The following RIT2 variants were observed in gnomAD, a reference collection of about 807,000 sequenced individuals.
The protein encoded by RIT2 is GTP-binding protein Rit2.
A neutral mutation model predicts 23.7 loss-of-function variants in RIT2; 24 were observed. The ratio of observed to expected loss-of-function variants is 1.01; its 90% CI spans 0.73 to 1.43. The LOEUF (loss-of-function observed/expected upper bound fraction) is 1.43. Among genes scored for constraint, RIT2 ranks in the 40% most tolerant of loss-of-function variants. RIT2 has a pLI of 0.00. For synonymous variants in RIT2, 107 were observed against 91.1 expected (o/e 1.17, Z -0.99); for missense variants, 236 against 266.9 (o/e 0.88, Z 0.81).
In RIT2 at chr18:43,105,132, T is replaced by TGTTTG. The variant is rs1568083682; in HGVS notation, c.103+10284_103+10285insCAAAC. Among the ~76,000 whole-genome samples the TGTTTG allele has an allele frequency of 1.4e-3, 126 of 87,850 alleles. 1 individual carries two copies. The highest frequency in any genetic ancestry group is 2.2e-3 in the Non-Finnish European group (92 of 41,426). The allele number at this position is 87,850 out of a possible 152,430, so 57.6% of individuals were successfully genotyped here. On this transcript the variant is annotated intron_variant, in intron 1 of 4. Transcript: ENST00000326695. ...TGTGTGTGTGTGTGTGTGTGTGTGT[T>TGTTTG]TGTGTGTGTGTGTGTGTGTTTGTGT...
intron 4 of RIT2, among the ~76,000 whole-genome samples, chr18:42,794,480 T>C (rs1293857349): frequency 6.6e-6 from 1 of 152,224 alleles, no homozygotes; most frequent in Non-Finnish European, 1.5e-5. Flanking sequence ...TTACAATGCT[T>C]GCTTCTACAG....
At chr18:42,835,508 T>C (rs1906572185) in intron 4 of RIT2, among the ~76,000 whole-genome samples, 1 of 152,142 alleles carries the variant, frequency 6.6e-6, no homozygotes, top group Admixed American at 6.6e-5. Context: ...CAAAAACTTC[T>C]CCTGCTACTT....
chr18:42,820,676 C>T (rs957226094), intron 4 of RIT2, among the ~76,000 whole-genome samples: 1 of 152,158 alleles, frequency 6.6e-6, no homozygotes, highest in African/African-American at 2.4e-5. Flanking sequence ...CCAGATTCTG[C>T]TAACCATTTC....
At chr18:43,044,039 C>A (rs8093233) in intron 1 of RIT2, among the ~76,000 whole-genome samples, 9,014 of 152,160 alleles carry the variant, frequency 0.059, 336 homozygotes, top group South Asian at 0.12. Context: ...AGCTGCTGAG[C>A]ACGGAGAATA....
rs533703767 is a variant in RIT2 at position 42,986,141 on chromosome 18, G to A, written c.161-11994C>T. On this transcript the variant is annotated intron_variant, in intron 2 of 4. Transcript: ENST00000326695. ...TGCAACTTCTGCCTCCTGGGTTCAAGCAATTCTCCTGCCTCGGCCTCCTGA... is the reference window on the plus strand; with the variant it reads ...TGCAACTTCTGCCTCCTGGGTTCAAACAATTCTCCTGCCTCGGCCTCCTGA... 8.6e-5 allele frequency among the ~76,000 whole-genome samples: 13 copies of A among 151,376 alleles called. 2 individuals are homozygous for A. In the South Asian group the frequency reaches 2.7e-3, roughly 32 times the overall value.
intron 3 of RIT2, among the ~76,000 whole-genome samples, chr18:42,939,796 T>G (rs745790401): frequency 6.6e-6 from 1 of 152,066 alleles, no homozygotes; most frequent in African/African-American, 2.4e-5. Flanking sequence ...ATATAATCTT[T>G]GATAGCTCTT....
intron 1 of RIT2, among the ~76,000 whole-genome samples, chr18:43,107,818 A>C (rs571315109): frequency 6.6e-6 from 1 of 152,232 alleles, no homozygotes; most frequent in African/African-American, 2.4e-5. Flanking sequence ...AGAAAATTAA[A>C]AATATTAAAA....
intron 3 of RIT2, among the ~76,000 whole-genome samples, chr18:42,963,715 A>C (rs1161852000): frequency 6.6e-6 from 1 of 152,116 alleles, no homozygotes; most frequent in Non-Finnish European, 1.5e-5. Context: ...CAACATGGTG[A>C]AACCCCATTT....
chr18:42,880,942 G>C (rs1405055545), intron 4 of RIT2, among the ~76,000 whole-genome samples: 1 of 151,712 alleles, frequency 6.6e-6, no homozygotes, highest in African/African-American at 2.4e-5. Context: ...CAAGTAGCTG[G>C]GATTACAGAC....
chr18:42,969,762 A>G (rs1910319419), intron 3 of RIT2, among the ~76,000 whole-genome samples: 1 of 152,086 alleles, frequency 6.6e-6, no homozygotes, highest in Admixed American at 6.6e-5. Flanking sequence ...TAAAGTAAAC[A>G]TGATATATAT....
intron 4 of RIT2, among the ~76,000 whole-genome samples, chr18:42,767,232 A>G (rs1913445486): frequency 6.6e-6 from 1 of 152,196 alleles, no homozygotes. Context: ...AGCCCATGAA[A>G]GAAGCTGGGT....
intron 4 of RIT2, among the ~76,000 whole-genome samples, chr18:42,806,593 C>T (rs778444916): frequency 6.6e-6 from 1 of 152,148 alleles, no homozygotes; most frequent in Non-Finnish European, 1.5e-5. Context: ...GCTAACGGGC[C>T]AGCAACTTTC....
intron 2 of RIT2, among the ~76,000 whole-genome samples, chr18:43,007,095 A>G (rs1185213408): frequency 6.6e-6 from 1 of 151,702 alleles, no homozygotes; most frequent in Non-Finnish European, 1.5e-5. Flanking sequence ...TATAAAGATA[A>G]TAAACAATTA....
Position 42,923,638 on chromosome 18 carries a change from G to A in RIT2, c.360C>T (p.Val120=). The A allele has an allele frequency of 6.2e-7, 1 of 1,613,374 alleles. No individual in the cohort carries two copies. Among genetic ancestry groups the A allele is most frequent in the Non-Finnish European group, 8.5e-7 (1 of 1,179,614 alleles). Residue 120 remains valine, a synonymous_variant, in exon 4 of 5, where the codon GTC becomes GTT. Transcript: ENST00000326695. ...CCAGGGGAATTTCATAGGTGTGGCGGACCTGAAAAATGAGCTCTTTAAACT... is the reference window on the plus strand; with the variant it reads ...CCAGGGGAATTTCATAGGTGTGGCGAACCTGAAAAATGAGCTCTTTAAACT... ...AAKFKELIFQ[V]RHTYEIPLVL... is the part of the protein sequence containing the mutation.
intron 1 of RIT2, among the ~76,000 whole-genome samples, chr18:43,109,844 T>C (rs1304761216): frequency 6.6e-6 from 1 of 152,020 alleles, no homozygotes; most frequent in African/African-American, 2.4e-5. Context: ...TTGACAACAT[T>C]TCACCAAATA....
At chr18:43,106,257 C>G (rs189543968) in intron 1 of RIT2, among the ~76,000 whole-genome samples, 1 of 152,192 alleles carries the variant, frequency 6.6e-6, no homozygotes, top group African/African-American at 2.4e-5. Context: ...AGAAACATTC[C>G]TCTTTTGTGA....
At chr18:42,768,645 A>G (rs1913479440) in intron 4 of RIT2, among the ~76,000 whole-genome samples, 1 of 152,136 alleles carries the variant, frequency 6.6e-6, no homozygotes, top group South Asian at 2.1e-4. Flanking sequence ...GTTGCTTAAA[A>G]CAGAAATTCA....
At chr18:42,957,716 G>A (rs1447175329) in intron 3 of RIT2, among the ~76,000 whole-genome samples, 2 of 152,076 alleles carry the variant, frequency 1.3e-5, no homozygotes, top group Non-Finnish European at 2.9e-5. Flanking sequence ...CCCAGGAGGT[G>A]GAGGTTGCAG....
intron 1 of RIT2, among the ~76,000 whole-genome samples, chr18:43,051,262 A>G (rs561246399): frequency 1.3e-5 from 2 of 152,286 alleles, no homozygotes; most frequent in African/African-American, 4.8e-5. Flanking sequence ...CTGTTGTGGT[A>G]GCATCAAAGT....
Sources: gnomAD v4.1 joint callset for allele counts (sites outside exome capture counted in the v4.1 genomes callset) on GRCh38, gnomAD v4.1.1 for gene constraint, MANE v1.5 for transcripts, NCBI Gene and HGNC (gene_info 2026-07-23, HGNC 2026-07-21) for gene names.